The following SASH1 variants were observed in gnomAD, a reference collection of about 807,000 sequenced individuals.
The protein encoded by SASH1 is SAM and SH3 domain-containing protein 1.
A neutral mutation model predicts 125.2 loss-of-function variants in SASH1; 44 were observed. That is an observed-to-expected ratio of 0.35 (90% confidence interval 0.28 to 0.45). The LOEUF (loss-of-function observed/expected upper bound fraction) is 0.45, where lower values mean the gene tolerates loss of function less well. Ranked by LOEUF, SASH1 falls within the 20% of genes least tolerant of loss-of-function variation. The probability of loss-of-function intolerance (pLI) is 1.00; values close to 1 mark genes in which losing one functional copy is unlikely to be tolerated. For synonymous variants in SASH1, 639 were observed against 649.1 expected, an observed-to-expected ratio of 0.98 and a Z score of 0.24; for missense variants, 1,426 against 1,614.5, an observed-to-expected ratio of 0.88 and a Z score of 2.00.
intron 2 of SASH1, among the ~76,000 whole-genome samples, chr6:148,407,160 C>T (rs1784412571): frequency 6.6e-6 from 1 of 152,162 alleles, no homozygotes; most frequent in South Asian, 2.1e-4. Flanking sequence ...TGTTGTTCCA[C>T]CATCACCACC....
At chr6:148,216,038 T>A in the SASH1 span, among the ~76,000 whole-genome samples, 2 of 152,016 alleles carry the variant, frequency 1.3e-5, no homozygotes, top group African/African-American at 4.8e-5. Context: ...TTGTATTTTT[T>A]AGTAGAGATG....
At chr6:148,331,071 T>C (rs898339013) in intron 1 of SASH1, among the ~76,000 whole-genome samples, 2 of 152,136 alleles carry the variant, frequency 1.3e-5, no homozygotes, top group Non-Finnish European at 2.9e-5. Context: ...CAATGGTGAG[T>C]TGAAGTCTCT....
chr6:148,422,451 A>G (rs981403983), intron 2 of SASH1, among the ~76,000 whole-genome samples: 4 of 152,238 alleles, frequency 2.6e-5, no homozygotes, highest in Non-Finnish European at 5.9e-5. Context: ...GGATGAATGA[A>G]CATGACCCTG....
the SASH1 span, among the ~76,000 whole-genome samples, chr6:148,205,294 T>G: frequency 1.7e-4 from 26 of 152,344 alleles, no homozygotes; most frequent in Non-Finnish European, 2.8e-4. Flanking sequence ...GTCCCAGAAC[T>G]TGTCAAGAGG....
intron 7 of SASH1, among the ~76,000 whole-genome samples, chr6:148,474,754 C>T (rs996501273): frequency 3.9e-5 from 6 of 152,036 alleles, no homozygotes; most frequent in Non-Finnish European, 8.8e-5. Flanking sequence ...AAATTTTTTA[C>T]AGAGACAGGG....
In SASH1 at chr6:148,533,707, G is replaced by T. The variant is rs2115411413; in HGVS notation, c.1735-64G>T. ...TTCTGCATGACCTGTGTATCTGACAGATTCTTGATTTGTACGTTCATGGAA... is the reference window on the plus strand; with the variant it reads ...TTCTGCATGACCTGTGTATCTGACATATTCTTGATTTGTACGTTCATGGAA... On this transcript the variant is annotated intron_variant, in intron 14 of 19. Transcript: ENST00000367467. This position sits in a 1 kb window ranked among gnomAD's most constrained non-coding sequence, Gnocchi z 6.2. The T allele has an allele frequency of 6.8e-7, 1 of 1,468,200 alleles. No individual in the cohort carries two copies. Among genetic ancestry groups the T allele is most frequent in the Non-Finnish European group, 9.4e-7 (1 of 1,062,756 alleles). The allele number at this position is 1,468,200 out of a possible 1,614,324, so 90.9% of individuals were successfully genotyped here. A position where few individuals can be genotyped will look rare whatever the true frequency, so the allele number is the denominator to read the frequency against.
intron 2 of SASH1, among the ~76,000 whole-genome samples, chr6:148,422,926 T>C (rs1387102538): frequency 6.6e-6 from 1 of 152,044 alleles, no homozygotes; most frequent in East Asian, 1.9e-4. Context: ...CCGTGTGTGG[T>C]TTTTTGTTTG....
At chr6:148,446,017 T>G (rs766732929) in intron 4 of SASH1, among the ~76,000 whole-genome samples, 21 of 150,210 alleles carry the variant, frequency 1.4e-4, no homozygotes, top group Admixed American at 2.0e-4. Context: ...TTGACCACCA[T>G]AGCTATAAGG....
chr6:148,512,342 A>T (rs1780194152), intron 8 of SASH1: 1 of 364,082 alleles, frequency 2.7e-6, no homozygotes. Flanking sequence ...TGTCCCGTTG[A>T]TAGTTATAGA....
chr6:148,482,596 A>G (rs1429353630), intron 7 of SASH1, among the ~76,000 whole-genome samples: 1 of 150,484 alleles, frequency 6.6e-6, no homozygotes, highest in Non-Finnish European at 1.5e-5. Context: ...ATAATGGTTC[A>G]CTGCAGCCTC....
At chr6:148,290,790 T>C (rs1779611247) in intron 1 of SASH1, among the ~76,000 whole-genome samples, 1 of 149,268 alleles carries the variant, frequency 6.7e-6, no homozygotes, top group Non-Finnish European at 1.5e-5. Flanking sequence ...TTCATGTTTA[T>C]CTGCTGACCT....
At chr6:148,368,734 C>T (rs532725657) in intron 1 of SASH1, among the ~76,000 whole-genome samples, 28 of 93,700 alleles carry the variant, frequency 3.0e-4, no homozygotes, top group African/African-American at 9.1e-4. Flanking sequence ...TAATTCTCAT[C>T]CTTCCAACCT....
chr6:148,527,449 A>C lies in SASH1; in HGVS notation c.1285-4A>C, dbSNP rs1409753453. On this transcript the variant is annotated splice_region_variant and splice_polypyrimidine_tract_variant and intron_variant, in intron 11 of 19. Coordinates refer to ENST00000367467, the MANE Select transcript of SASH1 (RefSeq NM_015278.5). ...AACAATACTTGCAACATTTTGTTTT[A>C]CAGGGTAAAGAAGGAGACTTTGTGT... 6.4e-7 allele frequency: 1 copy of C among 1,569,122 alleles called. No homozygotes were observed. The highest frequency in any genetic ancestry group is 8.6e-7 in the Non-Finnish European group (1 of 1,164,176).
chr6:148,235,139 G>A, the SASH1 span, among the ~76,000 whole-genome samples: 2 of 152,090 alleles, frequency 1.3e-5, no homozygotes, highest in Non-Finnish European at 2.9e-5. Flanking sequence ...GCGTCATAAC[G>A]TGTCAATGGT....
At chr6:148,336,721 T>G (rs1287403132) in intron 1 of SASH1, among the ~76,000 whole-genome samples, 2 of 152,174 alleles carry the variant, frequency 1.3e-5, no homozygotes, top group African/African-American at 4.8e-5. Flanking sequence ...CCTATGAAAG[T>G]TCCTAATTAT....
At chr6:148,211,745 T>C in the SASH1 span, among the ~76,000 whole-genome samples, 3 of 152,154 alleles carry the variant, frequency 2.0e-5, no homozygotes, top group Non-Finnish European at 2.9e-5. Flanking sequence ...ATCATGCTCT[T>C]TCCACTACAC....
chr6:148,475,807 T>C (rs1413132403), intron 7 of SASH1, among the ~76,000 whole-genome samples: 1 of 152,246 alleles, frequency 6.6e-6, no homozygotes, highest in African/African-American at 2.4e-5. Flanking sequence ...TACCAAACCC[T>C]ATACATACTA....
At chr6:148,410,698 A>G (rs17078341) in intron 2 of SASH1, among the ~76,000 whole-genome samples, 29,792 of 152,202 alleles carry the variant, frequency 0.2, 3,006 homozygotes, top group East Asian at 0.28. Context: ...GACATTCCGT[A>G]GTAAACAGAA....
chr6:148,440,104 C>G (rs1583162885), intron 2 of SASH1, 80 bp from the exon 3 acceptor site: 1 of 1,360,926 alleles, frequency 7.3e-7, no homozygotes, highest in African/African-American at 1.4e-5. Flanking sequence ...ATCCTCCCCT[C>G]TCTTCTTACA....
Sources: allele counts gnomAD v4.1 joint callset (sites outside exome capture counted in the v4.1 genomes callset), GRCh38; gene constraint gnomAD v4.1.1; non-coding constraint Gnocchi (gnomAD v3.1); transcripts MANE v1.5; gene names NCBI Gene and HGNC (gene_info 2026-07-23, HGNC 2026-07-21).